The following RPS6KA2 variants were observed in gnomAD, a reference collection of about 807,000 sequenced individuals.
The protein encoded by RPS6KA2 is ribosomal protein S6 kinase alpha-2.
A neutral mutation model predicts 91.8 loss-of-function variants in RPS6KA2; 42 were observed. The ratio of observed to expected loss-of-function variants is 0.46; its 90% confidence interval spans 0.36 to 0.59. The LOEUF (loss-of-function observed/expected upper bound fraction) is 0.59. Among genes scored for constraint, RPS6KA2 ranks in the 20% least tolerant of loss-of-function variants. The pLI, the probability that RPS6KA2 is intolerant of heterozygous loss-of-function variation, is 0.00. For synonymous variants in RPS6KA2, 414 were observed against 393.6 expected (o/e 1.05, Z -0.61); for missense variants, 798 against 978.5 (o/e 0.82, Z 2.46).
intron 10 of RPS6KA2, among the ~76,000 whole-genome samples, chr6:166,475,544 G>A (rs1249106947): frequency 1.3e-5 from 2 of 152,098 alleles, no homozygotes; most frequent in Admixed American, 6.5e-5. Context: ...CAACCCAGGC[G>A]TCCTCACAGA....
intron 2 of RPS6KA2, among the ~76,000 whole-genome samples, chr6:166,658,968 C>T (rs964540607): frequency 5.9e-5 from 9 of 152,138 alleles, no homozygotes; most frequent in Admixed American, 2.0e-4. Context: ...TTAGATACCC[C>T]GACCAATGAC....
Position 166,434,835 on chromosome 6 carries a change from A to C in RPS6KA2, c.1333-2345T>G, listed in dbSNP as rs1313324479. ...AGGCCGACGCGAGCAGGTGCATCCT[A>C]CGCCATCCCTTGTTTTAAAAATGGA... On this transcript the variant is annotated intron_variant, in intron 14 of 20. Coordinates refer to ENST00000265678, the MANE Select transcript of RPS6KA2 (RefSeq NM_021135.6). This position sits in a 1 kb window ranked among gnomAD's most constrained non-coding sequence, Gnocchi z 4.4. Among the ~76,000 whole-genome samples, 1 of 152,156 alleles carries C rather than the reference A, an allele frequency of 6.6e-6. No individual in the cohort carries two copies. Among genetic ancestry groups the C allele is most frequent in the Non-Finnish European group, 1.5e-5 (1 of 68,030 alleles).
chr6:166,609,092 A>G (rs909380634), intron 1 of RPS6KA2, among the ~76,000 whole-genome samples: 2 of 152,200 alleles, frequency 1.3e-5, no homozygotes, highest in Non-Finnish European at 2.9e-5. Context: ...AGGAATGGAA[A>G]TATAGGGAGA....
chr6:166,855,456 A>T (rs56187817), intron 2 of RPS6KA2, among the ~76,000 whole-genome samples: 2 of 117,464 alleles, frequency 1.7e-5, no homozygotes, highest in Admixed American at 9.9e-5. Context: ...AAGAGGAAGA[A>T]GAAGAGGAAG....
intron 2 of RPS6KA2, among the ~76,000 whole-genome samples, chr6:166,638,332 T>C (rs1401653623): frequency 6.6e-6 from 1 of 152,112 alleles, no homozygotes; most frequent in Non-Finnish European, 1.5e-5. Flanking sequence ...CACTGGACCC[T>C]CCAGGAGAGA....
chr6:166,512,106 A>C (rs1027037266), intron 3 of RPS6KA2, among the ~76,000 whole-genome samples: 2 of 151,050 alleles, frequency 1.3e-5, no homozygotes, highest in Admixed American at 6.6e-5. Flanking sequence ...CACATACACA[A>C]ACACACACAC....
intron 2 of RPS6KA2, among the ~76,000 whole-genome samples, chr6:166,685,582 G>T (rs1040939636): frequency 3.9e-5 from 6 of 152,126 alleles, no homozygotes; most frequent in African/African-American, 1.2e-4. Context: ...TCATTCCCTA[G>T]GATTAGGGAA....
intron 1 of RPS6KA2, among the ~76,000 whole-genome samples, chr6:166,592,559 C>T (rs941597469): frequency 1.3e-5 from 2 of 151,870 alleles, no homozygotes; most frequent in South Asian, 2.1e-4. Context: ...ATGCCTGATA[C>T]GTGAGGGGAA....
intron 2 of RPS6KA2, among the ~76,000 whole-genome samples, chr6:166,812,544 C>T (rs559348789): frequency 1.3e-5 from 2 of 152,144 alleles, no homozygotes; most frequent in South Asian, 4.2e-4. Context: ...CCTGCAGGGC[C>T]CTGTACTTAT....
At position 166,849,344 on chromosome 6, in the gene RPS6KA2, G is replaced by A. The variant is rs1328128423; in HGVS notation, c.123+8856C>T. 1.3e-5 allele frequency among the ~76,000 whole-genome samples: 2 copies of A among 152,182 alleles called. No individual in the cohort carries two copies. Among genetic ancestry groups the A allele is most frequent in the Non-Finnish European group, 2.9e-5 (2 of 68,036 alleles). ...CTATTTCTGCACAGTACTTACCCCC[G>A]TGTGAAACCATCTTGTTGAGCTAGT... On this transcript the variant is annotated intron_variant, in intron 2 of 21. Transcript: ENST00000503859. The surrounding 1 kb of genome is among the most constrained non-coding windows in gnomAD (Gnocchi z 4.9).
At chr6:166,677,506 A>G (rs1002463103) in intron 2 of RPS6KA2, among the ~76,000 whole-genome samples, 4 of 151,944 alleles carry the variant, frequency 2.6e-5, no homozygotes, top group Non-Finnish European at 5.9e-5. Context: ...GACTACAGGC[A>G]TGCACCACCA....
At chr6:166,560,197 T>C (rs1005383865) in intron 1 of RPS6KA2, among the ~76,000 whole-genome samples, 3 of 152,206 alleles carry the variant, frequency 2.0e-5, no homozygotes, top group Non-Finnish European at 4.4e-5. Context: ...TGGGCATGCA[T>C]TTCTGGCCCT....
At chr6:166,687,878 C>T (rs1018553540) in intron 2 of RPS6KA2, among the ~76,000 whole-genome samples, 3 of 152,240 alleles carry the variant, frequency 2.0e-5, no homozygotes, top group Admixed American at 2.0e-4. Context: ...GCTTCTAAGC[C>T]CCCTGCGGTA....
rs1408950399 is a variant in RPS6KA2, at chr6:166,733,289, A to T, written c.123+124911T>A. Among the ~76,000 whole-genome samples the T allele has an allele frequency of 6.6e-6, 1 of 152,208 alleles. No individual in the cohort carries two copies. The highest frequency in any genetic ancestry group is 2.4e-5 in the African/African-American group (1 of 41,452). ...TCCCAAAGTCACAGACCCTTTATGGACATGCAGGACTGATGCCGCCACTGT... is the reference window on the plus strand; with the variant it reads ...TCCCAAAGTCACAGACCCTTTATGGTCATGCAGGACTGATGCCGCCACTGT... On this transcript the variant is annotated intron_variant, in intron 2 of 21. Transcript: ENST00000503859. The surrounding 1 kb of genome is among the most constrained non-coding windows in gnomAD (Gnocchi z 4.1).
chr6:166,461,181 GC>G (rs1481166219), intron 11 of RPS6KA2, among the ~76,000 whole-genome samples: 1 of 152,198 alleles, frequency 6.6e-6, no homozygotes, highest in Admixed American at 6.5e-5. Flanking sequence ...ATTGAATTCA[GC>G]CCTGAATTAT....
chr6:166,567,930 G>C (rs1784550818), intron 1 of RPS6KA2, among the ~76,000 whole-genome samples: 1 of 152,168 alleles, frequency 6.6e-6, no homozygotes, highest in South Asian at 2.1e-4. Context: ...GCTCACCTGG[G>C]GAAAGAGCAC....
At chr6:166,642,787 C>A (rs1787485669) in intron 2 of RPS6KA2, among the ~76,000 whole-genome samples, 2 of 152,204 alleles carry the variant, frequency 1.3e-5, no homozygotes, top group Non-Finnish European at 2.9e-5. Context: ...GGAAGGGCCA[C>A]CGCCATGGGT....
intron 16 of RPS6KA2, among the ~76,000 whole-genome samples, chr6:166,425,999 AT>A (rs900210078): frequency 1.3e-5 from 2 of 151,262 alleles, no homozygotes; most frequent in African/African-American, 4.8e-5. Context: ...CAGAATATAC[AT>A]TTTTTTCAGC....
intron 2 of RPS6KA2, among the ~76,000 whole-genome samples, chr6:166,715,514 C>T (rs6928848): frequency 6.6e-6 from 1 of 152,224 alleles, no homozygotes; most frequent in Non-Finnish European, 1.5e-5. Context: ...ATTAATGGAA[C>T]AGAAAAATCC....
Sources: gnomAD v4.1 joint callset for allele counts (sites outside exome capture counted in the v4.1 genomes callset) on GRCh38, gnomAD v4.1.1 for gene constraint, Gnocchi (gnomAD v3.1) non-coding constraint, MANE v1.5 for transcripts, NCBI Gene and HGNC (gene_info 2026-07-23, HGNC 2026-07-21) for gene names.